Variants in C17orf107 observed in about 807,000 individuals in gnomAD.
C17orf107 encodes uncharacterized protein C17orf107.
C17orf107 carries 9 observed loss-of-function variants against 8.9 expected under a neutral mutation model. The observed-to-expected ratio is 1.02, with a 90% CI of 0.61 to 1.77. C17orf107 has a LOEUF of 1.77. Among genes scored for constraint, C17orf107 ranks in the 40% most tolerant of loss-of-function variants. C17orf107 has a pLI of 0.00. For missense variants in C17orf107, 281 were observed against 249.0 expected (o/e 1.13, Z -0.86); for synonymous variants, 139 against 120.3 (o/e 1.16, Z -1.02).
At chr17:4,906,654 A>G (rs1235432863), downstream of C17orf107, among the ~76,000 whole-genome samples, 1 of 152,108 alleles carries the variant, frequency 6.6e-6, no homozygotes, top group Non-Finnish European at 1.5e-5. Flanking sequence ...GGAGTTCAAG[A>G]CCAGCCTGGG....
In C17orf107 at chr17:4,902,376, G is replaced by A; in HGVS notation, c.*1843G>A. ...GCGTGCCCTGCATCTCCCACCTGGC[G>A]CTGCCTGGGAGGGGTTTGGGGGAAA... On this transcript the variant is annotated 3_prime_UTR_variant, in exon 3 of 3. Coordinates refer to ENST00000381365, the MANE Select transcript of C17orf107 (RefSeq NM_001145536.2). This position sits in a 1 kb window ranked among gnomAD's most constrained non-coding sequence, Gnocchi z 4.0. 6.2e-7 allele frequency: 1 copy of A among 1,613,148 alleles called. No homozygotes were observed.
At chr17:4,903,369 G>C (rs534204447), downstream of C17orf107, among the ~76,000 whole-genome samples, 113 of 152,166 alleles carry the variant, frequency 7.4e-4, no homozygotes, top group Admixed American at 1.6e-3. Context: ...CTAGTAGCAG[G>C]GGGTGGGAGA....
At chr17:4,904,913 T>A (rs1218092168), downstream of C17orf107, among the ~76,000 whole-genome samples, 3 of 152,220 alleles carry the variant, frequency 2.0e-5, no homozygotes, top group African/African-American at 7.2e-5. Context: ...CATTTCAGAC[T>A]CCCTTTCTGG....
Position 4,901,759 on chromosome 17 carries a change from C to CCT in C17orf107, c.*1229_*1230dup. The CCT allele has an allele frequency of 8.0e-7, 1 of 1,243,326 alleles. No homozygotes were observed. Among genetic ancestry groups the CCT allele is most frequent in the Non-Finnish European group, 1.2e-6 (1 of 863,924 alleles). The allele number at this position is 1,243,326 out of a possible 1,614,324, so 77.0% of individuals were successfully genotyped here. A position where few individuals can be genotyped will look rare whatever the true frequency, so the allele number is the denominator to read the frequency against. ...CCTTCACCCAAGCCCAGCCCGCACG[C>CCT]CTCTGTTCCCATCTGTACCTCCGGC... On this transcript the variant is annotated 3_prime_UTR_variant, in exon 3 of 3. Transcript: ENST00000381365.
In C17orf107 at chr17:4,899,810, CT is replaced by C. The variant is rs1179113696; in HGVS notation, c.50del (p.Phe17SerfsTer35). 6.4e-7 allele frequency: 1 copy of C among 1,551,114 alleles called. No individual in the cohort carries two copies. Among genetic ancestry groups the C allele is most frequent in the Admixed American group, 2.0e-5 (1 of 50,988 alleles). Reference sequence around the variant, plus strand: ...TGGACACCCTGATGTGGATCTACCACTTCCACAGCTCCACCGAGGTGAGGCT... The same window carrying C: ...TGGACACCCTGATGTGGATCTACCACTCCACAGCTCCACCGAGGTGAGGCT... ...SLDTLMWIYH[F>X]HSSTEVALQP... On this transcript the variant is annotated frameshift_variant, in exon 1 of 3. Transcript: ENST00000381365. LOFTEE classifies it high-confidence loss of function.
In C17orf107 at chr17:4,901,891, C is replaced by CCCA; in HGVS notation, c.*1359_*1361dup. ...TTGGCCCCGCCCCATAAGGCCCCCC[C>CCCA]CCAACAATAATCGTCCGGGCCTCGG... On this transcript the variant is annotated 3_prime_UTR_variant, in exon 3 of 3. Coordinates refer to ENST00000381365, the MANE Select transcript of C17orf107 (RefSeq NM_001145536.2). 1 of 1,606,300 alleles carries CCCA rather than the reference C, an allele frequency of 6.2e-7. No homozygotes were observed.
At chr17:4,904,682 T>G (rs1484352813), downstream of C17orf107, among the ~76,000 whole-genome samples, 4 of 152,188 alleles carry the variant, frequency 2.6e-5, no homozygotes, top group African/African-American at 9.7e-5. Flanking sequence ...GACTTATCAA[T>G]CAACTCTATT....
chr17:4,901,903 C>G lies in C17orf107; in HGVS notation c.*1370C>G. On this transcript the variant is annotated 3_prime_UTR_variant, in exon 3 of 3. Transcript: ENST00000381365. ...CATAAGGCCCCCCCCCAACAATAAT[C>G]GTCCGGGCCTCGGAGTAGCTCTTCC... The G allele has an allele frequency of 2.3e-6, 2 of 865,554 alleles. No homozygotes were observed. The highest frequency in any genetic ancestry group is 3.6e-6 in the Non-Finnish European group (2 of 554,410). The allele number at this position is 865,554 out of a possible 1,614,324, so 53.6% of individuals were successfully genotyped here. A position where few individuals can be genotyped will look rare whatever the true frequency, so the allele number is the denominator to read the frequency against.
rs760043533 is a variant in C17orf107 at position 4,902,085 on chromosome 17, A to G, written c.*1552A>G. 2 of 1,613,918 alleles carry G rather than the reference A, an allele frequency of 1.2e-6. No individual in the cohort carries two copies. Among genetic ancestry groups the G allele is most frequent in the Non-Finnish European group, 1.7e-6 (2 of 1,179,968 alleles). The stretch of plus-strand genomic sequence containing the variant: ...GTAGGCCACTCCGAACTGGCCATCA[A>G]TACTGTGGGCTCGGGGAAACCGAGC... On this transcript the variant is annotated 3_prime_UTR_variant, in exon 3 of 3. Coordinates refer to ENST00000381365, the MANE Select transcript of C17orf107 (RefSeq NM_001145536.2). The surrounding 1 kb of genome is among the most constrained non-coding windows in gnomAD (Gnocchi z 4.0).
At position 4,902,408 on chromosome 17, in the gene C17orf107, G is replaced by GGGTGGTGGGCGT. The variant is rs1970022167; in HGVS notation, c.*1875_*1876insGGTGGTGGGCGT. Reference sequence around the variant, plus strand: ...GGGAGGGGTTTGGGGGAAAAGGGGTGCCCTGGACAAGACCTCACACCATTC... The same window carrying GGGTGGTGGGCGT: ...GGGAGGGGTTTGGGGGAAAAGGGGTGGGTGGTGGGCGTCCCTGGACAAGACCTCACACCATTC... On this transcript the variant is annotated 3_prime_UTR_variant, in exon 3 of 3. Transcript: ENST00000381365. This position sits in a 1 kb window ranked among gnomAD's most constrained non-coding sequence, Gnocchi z 4.0. 6.2e-7 allele frequency: 1 copy of GGGTGGTGGGCGT among 1,613,808 alleles called. No homozygotes were observed. Among genetic ancestry groups the GGGTGGTGGGCGT allele is most frequent in the African/African-American group, 1.3e-5 (1 of 74,932 alleles).
chr17:4,903,541 G>C (rs753880344), downstream of C17orf107, among the ~76,000 whole-genome samples: 2 of 152,124 alleles, frequency 1.3e-5, no homozygotes, highest in African/African-American at 4.8e-5. Flanking sequence ...CTTTCTTGCC[G>C]ACAGAGTGGC....
Position 4,902,196 on chromosome 17 carries a change from G to T in C17orf107, c.*1663G>T, listed in dbSNP as rs1970014175. On this transcript the variant is annotated 3_prime_UTR_variant, in exon 3 of 3. Coordinates refer to ENST00000381365, the MANE Select transcript of C17orf107 (RefSeq NM_001145536.2). This position sits in a 1 kb window ranked among gnomAD's most constrained non-coding sequence, Gnocchi z 4.0. ...CCCCAGGCCGGCTTCCCTCCAGCCT[G>T]GCGTCTGGCCCGGTTCTCACTTGTT... 1 of 1,613,892 alleles carries T rather than the reference G, an allele frequency of 6.2e-7. No homozygotes were observed. The highest frequency in any genetic ancestry group is 1.1e-5 in the South Asian group (1 of 91,090).
chr17:4,899,699 C>T lies in C17orf107; in HGVS notation c.-64C>T, dbSNP rs969186963. 7 of 1,480,610 alleles carry T rather than the reference C, an allele frequency of 4.7e-6. No individual in the cohort carries two copies. Among genetic ancestry groups the T allele is most frequent in the African/African-American group, 1.4e-5 (1 of 71,816 alleles). 91.7% of individuals were successfully genotyped at this position (1,480,610 alleles called of 1,614,324 possible). ...ACGGGCTGGTTACGCCCTCCAGCTGCGCCCCCTACACGACGACAGACGCGT... is the reference window on the plus strand; with the variant it reads ...ACGGGCTGGTTACGCCCTCCAGCTGTGCCCCCTACACGACGACAGACGCGT... On this transcript the variant is annotated 5_prime_UTR_variant, in exon 1 of 3. Coordinates refer to ENST00000381365, the MANE Select transcript of C17orf107 (RefSeq NM_001145536.2).
At position 4,900,219 on chromosome 17, in the gene C17orf107, C is replaced by G. The variant is rs547578569; in HGVS notation, c.277-18C>G. On this transcript the variant is annotated intron_variant, in intron 2 of 2. Transcript: ENST00000381365. ...AAGGACCTCTGCCTCCCCGCTAACC[C>G]CTGTGCCCCCAATGCAGATCTCAGC... The G allele has an allele frequency of 3.2e-6, 5 of 1,545,854 alleles. No individual in the cohort carries two copies. In the South Asian group the frequency reaches 4.8e-5, roughly 15 times the overall value.
Position 4,901,986 on chromosome 17 carries a change from G to T in C17orf107, c.*1453G>T. On this transcript the variant is annotated 3_prime_UTR_variant, in exon 3 of 3. Coordinates refer to ENST00000381365, the MANE Select transcript of C17orf107 (RefSeq NM_001145536.2). ...GAAGGGGAAGTAGGTGACCTCCACT[G>T]CGCAGACGCTGCGGTAGATGGCCGG... The T allele has an allele frequency of 2.5e-6, 4 of 1,613,984 alleles. No homozygotes were observed. The highest frequency in any genetic ancestry group is 2.5e-6 in the Non-Finnish European group (3 of 1,180,004).
downstream of C17orf107, among the ~76,000 whole-genome samples, chr17:4,903,851 G>A (rs1970052316): frequency 6.6e-6 from 1 of 152,108 alleles, no homozygotes; most frequent in South Asian, 2.1e-4. Flanking sequence ...TCCTTTTGAT[G>A]TTCCTTTTTA....
In C17orf107 at chr17:4,899,842, C is replaced by T. The variant is rs991296636; in HGVS notation, c.66+14C>T. 1.3e-5 allele frequency: 20 copies of T among 1,551,160 alleles called. No individual in the cohort carries two copies. Among genetic ancestry groups the T allele is most frequent in the Middle Eastern group, 3.3e-4 (2 of 6,014 alleles). ...AGCTCCACCGAGGTGAGGCTACGCC[C>T]GCCAAGGGCTGCACCTCGAGACCTT... is the stretch of plus-strand genomic sequence containing the variant. On this transcript the variant is annotated intron_variant, in intron 1 of 2. Transcript: ENST00000381365.
At chr17:4,905,099 G>A (rs1970074983), downstream of C17orf107, among the ~76,000 whole-genome samples, 2 of 152,236 alleles carry the variant, frequency 1.3e-5, no homozygotes, top group South Asian at 4.1e-4. Context: ...TTACAGGGCC[G>A]AGTGCTACGG....
At chr17:4,903,009 TGTCCG>T (rs1388295687), downstream of C17orf107, 3 of 1,613,962 alleles carry the variant, frequency 1.9e-6, no homozygotes, top group Non-Finnish European at 2.5e-6. Context: ...CTCTAGCCCC[TGTCCG>T]TACCGAGAAG....
Sources: gnomAD v4.1 joint callset for allele counts (sites outside exome capture counted in the v4.1 genomes callset) on GRCh38, gnomAD v4.1.1 for gene constraint, Gnocchi (gnomAD v3.1) non-coding constraint, MANE v1.5 for transcripts, NCBI Gene and HGNC (gene_info 2026-07-23, HGNC 2026-07-21) for gene names.